Variants in ZNF564 observed in about 807,000 individuals in gnomAD.
ZNF564 encodes the protein zinc finger protein 564.
In ZNF564, 5 loss-of-function variants were observed where a neutral mutation model predicts 10.5. That is an observed-to-expected ratio of 0.48 (90% CI 0.25 to 1.00). ZNF564 has a LOEUF of 1.00. Ranked by LOEUF, ZNF564 falls within the 50% of genes least tolerant of loss-of-function variation. The probability of loss-of-function intolerance (pLI) is 0.16; values close to 1 mark genes in which losing one functional copy is unlikely to be tolerated. For synonymous variants in ZNF564, 242 were observed against 218.1 expected, an observed-to-expected ratio of 1.11 and a Z score of -0.97; for missense variants, 603 against 669.7, an observed-to-expected ratio of 0.90 and a Z score of 1.10.
intron 1 of ZNF564, among the ~76,000 whole-genome samples, chr19:12,541,843 G>A (rs952761940): frequency 2.7e-5 from 4 of 149,666 alleles, no homozygotes; most frequent in East Asian, 2.0e-4. Flanking sequence ...GTGAAACCCC[G>A]TCTCTACTAA....
intron 1 of ZNF564, among the ~76,000 whole-genome samples, chr19:12,545,755 C>G (rs2022139596): frequency 6.6e-6 from 1 of 152,142 alleles, no homozygotes; most frequent in Non-Finnish European, 1.5e-5. Context: ...AGGCAACGCT[C>G]CTCATCTTGG....
At chr19:12,545,406 G>C (rs1225909558) in intron 1 of ZNF564, among the ~76,000 whole-genome samples, 1 of 152,008 alleles carries the variant, frequency 6.6e-6, no homozygotes, top group Non-Finnish European at 1.5e-5. Context: ...TTAAGGTTCT[G>C]ACCTCTGGTG....
chr19:12,535,127 A>T (rs979254597), intron 1 of ZNF564, among the ~76,000 whole-genome samples: 4 of 152,016 alleles, frequency 2.6e-5, no homozygotes, highest in African/African-American at 9.7e-5. Context: ...TAATCCCAGC[A>T]CTTTGGGAGG....
intron 1 of ZNF564, among the ~76,000 whole-genome samples, chr19:12,550,880 T>G (rs2022244150): frequency 6.6e-6 from 1 of 151,816 alleles, no homozygotes. Context: ...ACGGGAGTCG[T>G]AGGTTTGAGA....
intron 1 of ZNF564, among the ~76,000 whole-genome samples, chr19:12,546,101 C>G (rs2022147040): frequency 1.3e-5 from 2 of 152,136 alleles, no homozygotes; most frequent in African/African-American, 4.8e-5. Flanking sequence ...GAACTGCAGA[C>G]AAACACCAAA....
chr19:12,537,979 C>T (rs4804718), intron 1 of ZNF564, among the ~76,000 whole-genome samples: 99,362 of 151,676 alleles, frequency 0.66, 32,997 homozygotes, highest in African/African-American at 0.72. Flanking sequence ...CTGTCCAATT[C>T]TGATATCTTT....
chr19:12,534,993 A>T (rs1220695182), intron 1 of ZNF564, among the ~76,000 whole-genome samples: 1 of 152,164 alleles, frequency 6.6e-6, no homozygotes, highest in Admixed American at 6.5e-5. Context: ...ACAAATGAAC[A>T]ATCTGCAGTA....
chr19:12,529,605 C>CAA (rs34144625), intron 1 of ZNF564, among the ~76,000 whole-genome samples: 90,344 of 146,950 alleles, frequency 0.61, 28,317 homozygotes, highest in Non-Finnish European at 0.69. Context: ...GACTAAGTCT[C>CAA]AAAAAAAAAA....
At chr19:12,548,888 A>T (rs2022202056) in intron 1 of ZNF564, 1 of 702,488 alleles carries the variant, frequency 1.4e-6, no homozygotes, top group African/African-American at 1.7e-5. Context: ...TATTTTAGAG[A>T]ATCTCTGTAT....
Position 12,528,290 on chromosome 19 carries a change from T to C in ZNF564, c.191+14A>G, listed in dbSNP as rs752477524. Reference sequence around the variant, plus strand: ...AAGAAGGAGACATTGCTTTATCTTGTCAGTGCAAATTACCTTAAAATTCTC... The same window carrying C: ...AAGAAGGAGACATTGCTTTATCTTGCCAGTGCAAATTACCTTAAAATTCTC... On this transcript the variant is annotated intron_variant, in intron 3 of 3. Coordinates refer to ENST00000339282, the MANE Select transcript of ZNF564 (RefSeq NM_144976.4). 2.3e-5 allele frequency: 37 copies of C among 1,604,830 alleles called. No homozygotes were observed. In the South Asian group the frequency reaches 4.0e-4, roughly 17 times the overall value.
chr19:12,540,196 T>C (rs147459473), intron 1 of ZNF564, among the ~76,000 whole-genome samples: 1 of 152,298 alleles, frequency 6.6e-6, no homozygotes, highest in East Asian at 1.9e-4. Context: ...ATGATTTGGC[T>C]TCTAGGAATC....
At chr19:12,543,321 A>G (rs1599286248) in intron 1 of ZNF564, among the ~76,000 whole-genome samples, 3 of 115,186 alleles carry the variant, frequency 2.6e-5, no homozygotes, top group South Asian at 3.2e-4. Context: ...AAAAAAAGAG[A>G]GAAGGGGAGG....
At chr19:12,530,940 A>G (rs2021787781) in intron 1 of ZNF564, among the ~76,000 whole-genome samples, 1 of 151,968 alleles carries the variant, frequency 6.6e-6, no homozygotes, top group Admixed American at 6.6e-5. Flanking sequence ...CTAATTTTTA[A>G]ATTTTTTGTA....
chr19:12,531,897 A>T (rs980298101), intron 1 of ZNF564, among the ~76,000 whole-genome samples: 3 of 152,262 alleles, frequency 2.0e-5, no homozygotes, highest in Non-Finnish European at 2.9e-5. Flanking sequence ...AGTGGATTTT[A>T]AAAACATAGT....
intron 1 of ZNF564, among the ~76,000 whole-genome samples, chr19:12,537,668 G>C (rs865947455): frequency 1.5e-4 from 23 of 151,486 alleles, no homozygotes; most frequent in African/African-American, 5.1e-4. Context: ...AACCCGGGAG[G>C]CGGAGGTTGC....
Position 12,551,360 on chromosome 19 carries a change from C to A in ZNF564, c.-28G>T, listed in dbSNP as rs765656284. 2.5e-6 allele frequency: 4 copies of A among 1,599,528 alleles called. No homozygotes were observed. Among genetic ancestry groups the A allele is most frequent in the African/African-American group, 2.7e-5 (2 of 74,444 alleles). The stretch of plus-strand genomic sequence containing the variant: ...CCTGGCTTCCAGGGTGTCCCGGGGT[C>A]CTGCCTACGGCTCTCTCCGGCCTGT... On this transcript the variant is annotated 5_prime_UTR_variant, in exon 1 of 4. Transcript: ENST00000339282.
At chr19:12,547,270 G>C (rs2022172483) in intron 1 of ZNF564, among the ~76,000 whole-genome samples, 1 of 152,124 alleles carries the variant, frequency 6.6e-6, no homozygotes, top group Non-Finnish European at 1.5e-5. Flanking sequence ...GTACAGGTTA[G>C]TCTCAAACTC....
chr19:12,537,286 G>GATT (rs1215199908), intron 1 of ZNF564, among the ~76,000 whole-genome samples: 8 of 152,126 alleles, frequency 5.3e-5, no homozygotes, highest in Admixed American at 3.9e-4. Context: ...TGTACTATGT[G>GATT]ATTAGGTCTA....
At chr19:12,529,057 C>T (rs1030313923) in intron 1 of ZNF564, among the ~76,000 whole-genome samples, 42 of 151,840 alleles carry the variant, frequency 2.8e-4, no homozygotes, top group Non-Finnish European at 1.5e-4. Context: ...AGAGAGAGAC[C>T]CCATCTCAAA....
Sources: gnomAD v4.1 joint callset for allele counts (sites outside exome capture counted in the v4.1 genomes callset) on GRCh38, gnomAD v4.1.1 for gene constraint, MANE v1.5 for transcripts, NCBI Gene and HGNC (gene_info 2026-07-23, HGNC 2026-07-21) for gene names.